Variants in ANK2 observed in about 807,000 individuals in gnomAD.
ANK2 encodes ankyrin 2, also known as ankyrin-2.
In ANK2, 83 loss-of-function variants were observed where a neutral mutation model predicts 360.5. The observed-to-expected ratio is 0.23, with a 90% CI of 0.19 to 0.28. The LOEUF is 0.28. Among genes scored for constraint, ANK2 ranks in the 10% least tolerant of loss-of-function variants. The pLI, the probability that ANK2 is intolerant of heterozygous loss-of-function variation, is 1.00. For synonymous variants in ANK2, 1,740 were observed against 1,759.5 expected (o/e 0.99, Z 0.28); for missense variants, 4,201 against 4,795.7 (o/e 0.88, Z 3.66).
At chr4:112,721,037 A>C in the ANK2 span, among the ~76,000 whole-genome samples, 2 of 152,160 alleles carry the variant, frequency 1.3e-5, no homozygotes, top group African/African-American at 2.4e-5. Flanking sequence ...CTTGCTGCAG[A>C]GAAAATATAA....
intron 24 of ANK2, among the ~76,000 whole-genome samples, chr4:113,316,287 C>G (rs1247567681): frequency 6.6e-6 from 1 of 152,194 alleles, no homozygotes; most frequent in Non-Finnish European, 1.5e-5. Context: ...ATCAGACAAT[C>G]AACTCTTTTT....
intron 41 of ANK2, 91 bp downstream of exon 41, chr4:113,365,273 C>CTTT: frequency 4.7e-6 from 5 of 1,064,348 alleles, no homozygotes; most frequent in Admixed American, 2.8e-5. Flanking sequence ...GACCTACTGT[C>CTTT]TTTTTTTTTT....
At chr4:113,102,339 C>T (rs2092990086) in intron 1 of ANK2, among the ~76,000 whole-genome samples, 2 of 152,016 alleles carry the variant, frequency 1.3e-5, no homozygotes, top group South Asian at 4.2e-4. Flanking sequence ...GAGAAAAAAA[C>T]ATTTCGGGGG....
intron 2 of ANK2, among the ~76,000 whole-genome samples, chr4:112,940,082 A>G (rs17045145): frequency 0.018 from 2,676 of 152,278 alleles, 55 homozygotes; most frequent in African/African-American, 0.051. Context: ...ACAGATTCCC[A>G]GTATGTTGGT....
chr4:113,108,384 AT>A (rs2093905698), intron 1 of ANK2, among the ~76,000 whole-genome samples: 1 of 152,194 alleles, frequency 6.6e-6, no homozygotes, highest in African/African-American at 2.4e-5. Context: ...TAAAGCAATA[AT>A]TTTTGGAACT....
chr4:113,219,288 A>G (rs362479), intron 4 of ANK2, among the ~76,000 whole-genome samples: 4,240 of 152,066 alleles, frequency 0.028, 97 homozygotes, highest in East Asian at 0.067. Flanking sequence ...TTTACACTAA[A>G]ATTTCTTCTC....
At chr4:113,231,331 C>T (rs973702225) in intron 4 of ANK2, among the ~76,000 whole-genome samples, 9 of 152,110 alleles carry the variant, frequency 5.9e-5, no homozygotes, top group Admixed American at 2.0e-4. Flanking sequence ...GGATTACAGG[C>T]GTGAGCCACC....
chr4:112,899,807 G>C (rs753723941), intron 1 of ANK2, among the ~76,000 whole-genome samples: 13 of 152,028 alleles, frequency 8.6e-5, no homozygotes, highest in Admixed American at 5.2e-4. Context: ...TTTCCATCCT[G>C]CATCCCCTAT....
At chr4:112,898,520 G>A (rs1365519305) in intron 1 of ANK2, among the ~76,000 whole-genome samples, 1 of 152,154 alleles carries the variant, frequency 6.6e-6, no homozygotes, top group Non-Finnish European at 1.5e-5. Context: ...TATATCAAGA[G>A]TAGCACTGTG....
chr4:112,969,746 A>G (rs6845538), intron 2 of ANK2, among the ~76,000 whole-genome samples: 4,296 of 152,254 alleles, frequency 0.028, 165 homozygotes, highest in African/African-American at 0.087. Flanking sequence ...GAGTGAGCCA[A>G]TATCTTCTTG....
chr4:112,925,885 T>C (rs996067000), intron 2 of ANK2, among the ~76,000 whole-genome samples: 1 of 152,186 alleles, frequency 6.6e-6, no homozygotes, highest in Non-Finnish European at 1.5e-5. Flanking sequence ...AAAGAAAATT[T>C]GGTGATACTT....
chr4:113,310,557 C>T (rs1227900273), intron 23 of ANK2, among the ~76,000 whole-genome samples: 3 of 152,122 alleles, frequency 2.0e-5, no homozygotes, highest in Admixed American at 6.5e-5. Flanking sequence ...GCTGGGACTA[C>T]AGGCATGTGC....
At chr4:113,332,095 A>G (rs2092588227) in intron 28 of ANK2, 25 bp downstream of exon 28, 2 of 1,570,722 alleles carry the variant, frequency 1.3e-6, no homozygotes, top group African/African-American at 2.7e-5. Context: ...AAACAAATTG[A>G]TGGCTGCTGG....
intron 2 of ANK2, among the ~76,000 whole-genome samples, chr4:113,033,550 A>G (rs1012532787): frequency 1.3e-5 from 2 of 151,964 alleles, no homozygotes; most frequent in Admixed American, 1.3e-4. Flanking sequence ...ATCTTTGGAG[A>G]AAAGAGATTT....
chr4:113,221,658 C>CA (rs60808406), intron 4 of ANK2, among the ~76,000 whole-genome samples: 1,572 of 127,778 alleles, frequency 0.012, 14 homozygotes, highest in Middle Eastern at 0.056. Context: ...GACTCCACTT[C>CA]AAAAAAAAAA....
intron 2 of ANK2, among the ~76,000 whole-genome samples, chr4:112,984,512 A>G (rs143021055): frequency 2.4e-3 from 359 of 152,296 alleles, no homozygotes; most frequent in Non-Finnish European, 4.3e-3. Context: ...CCATGATTCA[A>G]TTACCTCCCA....
At position 113,311,246 on chromosome 4, in the gene ANK2, T is replaced by C; in HGVS notation, c.2549-9T>C. ...AAATAATCCTGCTTCTTCCTCTGAT[T>C]GTTTCAAGGTGATGACACAATGACT... On this transcript the variant is annotated splice_polypyrimidine_tract_variant and intron_variant, in intron 23 of 45. Coordinates refer to ENST00000357077, the MANE Select transcript of ANK2 (RefSeq NM_001148.6). 1 of 1,614,132 alleles carries C rather than the reference T, an allele frequency of 6.2e-7. No homozygotes were observed. Among genetic ancestry groups the C allele is most frequent in the South Asian group, 1.1e-5 (1 of 91,080 alleles).
rs187660004 is a variant in ANK2 at position 112,974,404 on chromosome 4, C to A, written c.21+69890C>A. On this transcript the variant is annotated intron_variant, in intron 2 of 30. Coordinates refer to the ANK2 transcript ENST00000503271. Reference sequence around the variant, plus strand: ...ATCAAATGCTAACCCAAAAGGCCTACTTTCTTTTGTTACTAAATTAACATA... The same window carrying A: ...ATCAAATGCTAACCCAAAAGGCCTAATTTCTTTTGTTACTAAATTAACATA... Among the ~76,000 whole-genome samples the A allele has an allele frequency of 4.3e-4, 65 of 152,312 alleles. 1 individual carries two copies. In the East Asian group the frequency reaches 9.7e-3, roughly 23 times the overall value.
chr4:112,889,795 G>GTTATGTAATTGGCATGAA (rs2079445088), intron 1 of ANK2, among the ~76,000 whole-genome samples: 1 of 152,150 alleles, frequency 6.6e-6, no homozygotes, highest in Non-Finnish European at 1.5e-5. Context: ...AGTTGCGTGA[G>GTTATGTAATTGGCATGAA]TTATGTAATT....
Sources: allele counts gnomAD v4.1 joint callset (sites outside exome capture counted in the v4.1 genomes callset), GRCh38; gene constraint gnomAD v4.1.1; transcripts MANE v1.5; gene names NCBI Gene and HGNC (gene_info 2026-07-23, HGNC 2026-07-21).